Variants in NFASC observed in about 807,000 individuals in gnomAD.
NFASC encodes neurofascin.
Under a neutral mutation model 147.5 loss-of-function variants are expected in NFASC, and 43 were observed. The observed-to-expected ratio is 0.29, with a 90% CI of 0.23 to 0.38. NFASC has a LOEUF of 0.38. NFASC is among the 10% of genes least tolerant of loss of function. The pLI, the probability that NFASC is intolerant of heterozygous loss-of-function variation, is 1.00. For missense variants in NFASC, 1,320 were observed against 1,689.0 expected (o/e 0.78, Z 3.83); for synonymous variants, 622 against 665.5 (o/e 0.93, Z 1.01).
At chr1:204,961,537 T>G (rs1195491853) in intron 8 of NFASC, among the ~76,000 whole-genome samples, 1 of 152,264 alleles carries the variant, frequency 6.6e-6, no homozygotes, top group African/African-American at 2.4e-5. Flanking sequence ...CAGACTCCAG[T>G]GACACATGTT....
In NFASC at chr1:204,987,291, T is replaced by C; in HGVS notation, c.2471-127T>C. ...CTCACGGTTCTCCCAGGCTTCAGTTTAGCAGTGTCGAGCATGGGGGTTGTC... is the reference window on the plus strand; with the variant it reads ...CTCACGGTTCTCCCAGGCTTCAGTTCAGCAGTGTCGAGCATGGGGGTTGTC... On this transcript the variant is annotated intron_variant, in intron 21 of 29. Transcript: ENST00000339876. This position sits in a 1 kb window ranked among gnomAD's most constrained non-coding sequence, Gnocchi z 4.4. The C allele has an allele frequency of 1.2e-6, 1 of 862,360 alleles. No homozygotes were observed. The highest frequency in any genetic ancestry group is 1.7e-5 in the South Asian group (1 of 59,718). The allele number at this position is 862,360 out of a possible 1,614,324, so 53.4% of individuals were successfully genotyped here.
intron 1 of NFASC, among the ~76,000 whole-genome samples, chr1:204,878,170 C>T (rs1024231782): frequency 1.3e-5 from 2 of 152,180 alleles, no homozygotes; most frequent in South Asian, 4.1e-4. Flanking sequence ...CTACTAGGTA[C>T]TGGTTCAAGG....
At chr1:204,865,319 ATG>A (rs2077022511) in intron 1 of NFASC, among the ~76,000 whole-genome samples, 1 of 152,244 alleles carries the variant, frequency 6.6e-6, no homozygotes, top group Admixed American at 6.5e-5. Context: ...AATAAAAGTC[ATG>A]TGAATGTAGT....
intron 1 of NFASC, among the ~76,000 whole-genome samples, chr1:204,835,658 G>A (rs1430500970): frequency 6.6e-6 from 1 of 152,176 alleles, no homozygotes; most frequent in Non-Finnish European, 1.5e-5. Flanking sequence ...GGTGGTGGGT[G>A]CATGTAATTC....
chr1:204,993,243 T>C (rs2841630), intron 24 of NFASC, among the ~76,000 whole-genome samples: 149,770 of 152,340 alleles, frequency 0.98, 73,632 homozygotes, highest in East Asian at 1. Context: ...CCTGTATCTG[T>C]AGTCTCTTAG....
chr1:204,913,137 A>G (rs2088098249), intron 1 of NFASC, among the ~76,000 whole-genome samples: 1 of 121,632 alleles, frequency 8.2e-6, no homozygotes. Flanking sequence ...TCAAATGCAT[A>G]GTAATAAACA....
intron 1 of NFASC, among the ~76,000 whole-genome samples, chr1:204,858,546 A>G (rs754385414): frequency 1.6e-4 from 25 of 152,222 alleles, no homozygotes; most frequent in African/African-American, 2.4e-4. Context: ...AGCAGTGTCC[A>G]TGATCAATAA....
intron 1 of NFASC, among the ~76,000 whole-genome samples, chr1:204,899,630 G>T (rs541758177): frequency 1.3e-5 from 2 of 152,182 alleles, no homozygotes; most frequent in African/African-American, 4.8e-5. Flanking sequence ...CCTGGCAGCC[G>T]TGACTGCTGA....
chr1:204,927,773 C>T (rs1482330515), intron 2 of NFASC, among the ~76,000 whole-genome samples: 2 of 152,164 alleles, frequency 1.3e-5, no homozygotes, highest in African/African-American at 4.8e-5. Flanking sequence ...CTGCCTGACA[C>T]CTTGATACCC....
Position 204,968,380 on chromosome 1 carries a change from C to T in NFASC, c.818+20C>T, listed in dbSNP as rs752289898. 6.4e-7 allele frequency: 1 copy of T among 1,567,380 alleles called. No individual in the cohort carries two copies. Among genetic ancestry groups the T allele is most frequent in the Non-Finnish European group, 8.8e-7 (1 of 1,137,494 alleles). On this transcript the variant is annotated intron_variant, in intron 9 of 29. Coordinates refer to ENST00000339876, the MANE Select transcript of NFASC (RefSeq NM_001005388.3). This position sits in a 1 kb window ranked among gnomAD's most constrained non-coding sequence, Gnocchi z 5.4. The stretch of plus-strand genomic sequence containing the variant: ...CGGGGTGTATGTGCGGTTTGCAGCC[C>T]CTCTTCTAGCCACCCTCCAGGAGGA...
chr1:204,916,656 A>G (rs1380650971), intron 1 of NFASC, among the ~76,000 whole-genome samples: 2 of 152,186 alleles, frequency 1.3e-5, no homozygotes. Flanking sequence ...TGTGTGGAAT[A>G]GTGGGCCTTT....
At chr1:204,896,047 G>T (rs1315406343) in intron 1 of NFASC, among the ~76,000 whole-genome samples, 3 of 152,218 alleles carry the variant, frequency 2.0e-5, no homozygotes, top group Non-Finnish European at 4.4e-5. Context: ...CTTCTGAGCT[G>T]CGAACAGCTT....
intron 8 of NFASC, chr1:204,967,851 G>C (rs2095046457): frequency 5.8e-6 from 1 of 172,296 alleles, no homozygotes; most frequent in African/African-American, 2.4e-5. Context: ...CCAGATCCCT[G>C]CCTGGGGAGA....
chr1:204,946,189 T>C, intron 3 of NFASC: 3 of 403,256 alleles, frequency 7.4e-6, no homozygotes, highest in Middle Eastern at 4.5e-4. Context: ...AAGCCTTTGC[T>C]AGCTTAGAGT....
chr1:204,909,992 T>C (rs1377192690), intron 1 of NFASC, among the ~76,000 whole-genome samples: 1 of 152,158 alleles, frequency 6.6e-6, no homozygotes, highest in Non-Finnish European at 1.5e-5. Context: ...TGTAGTTATA[T>C]AATGAGTCTT....
intron 1 of NFASC, among the ~76,000 whole-genome samples, chr1:204,885,062 G>A (rs900147388): frequency 3.9e-5 from 6 of 152,242 alleles, no homozygotes; most frequent in African/African-American, 1.4e-4. Flanking sequence ...AAGAGTTTGA[G>A]ACAGGAGGAT....
chr1:204,839,909 G>A (rs1243463628), intron 1 of NFASC, among the ~76,000 whole-genome samples: 4 of 152,146 alleles, frequency 2.6e-5, no homozygotes. Context: ...TTGGTGATGT[G>A]GCTCCCCATG....
At chr1:204,971,969 G>A (rs1224789019) in intron 11 of NFASC, among the ~76,000 whole-genome samples, 1 of 152,228 alleles carries the variant, frequency 6.6e-6, no homozygotes, top group Non-Finnish European at 1.5e-5. Context: ...ACTCTCCCCA[G>A]GGAACGTGTA....
At position 204,875,311 on chromosome 1, in the gene NFASC, G is replaced by C. The variant is rs535345656; in HGVS notation, c.-199-45321G>C. ...TAAAGAGGCCTGGGAGGCACTGAAG[G>C]GAAGATGGGAGACCCCAGCCTTCCA... On this transcript the variant is annotated intron_variant, in intron 1 of 29. Coordinates refer to ENST00000339876, the MANE Select transcript of NFASC (RefSeq NM_001005388.3). 9.2e-5 allele frequency among the ~76,000 whole-genome samples: 14 copies of C among 152,270 alleles called. No individual in the cohort carries two copies. The East Asian group carries it at 2.7e-3, about 29-fold the overall frequency.
Sources: gnomAD v4.1 joint callset for allele counts (sites outside exome capture counted in the v4.1 genomes callset) on GRCh38, gnomAD v4.1.1 for gene constraint, Gnocchi (gnomAD v3.1) non-coding constraint, MANE v1.5 for transcripts, NCBI Gene and HGNC (gene_info 2026-07-23, HGNC 2026-07-21) for gene names.